CSN3: variants seen among roughly 807,000 people sequenced by gnomAD.
CSN3 encodes the protein casein kappa, also known as kappa-casein.
CSN3 carries 7 observed loss-of-function variants against 9.9 expected under a neutral mutation model. That is an observed-to-expected ratio of 0.71 (90% CI 0.40 to 1.33). The LOEUF is 1.33. CSN3 is among the 40% of genes most tolerant of loss of function. The pLI is 0.01. For synonymous variants in CSN3, 88 were observed against 82.3 expected, an observed-to-expected ratio of 1.07 and a Z score of -0.37; for missense variants, 253 against 227.9, an observed-to-expected ratio of 1.11 and a Z score of -0.71.
intron 1 of CSN3, 36 bp from the exon 2 acceptor site, chr4:70,244,776 T>G: frequency 7.8e-7 from 1 of 1,287,398 alleles, no homozygotes; most frequent in Non-Finnish European, 1.0e-6. Context: ...AGTAACAAAT[T>G]CTTTTAAATT....
chr4:70,250,491 G>GC (rs1730461968), intron 4 of CSN3, among the ~76,000 whole-genome samples: 1 of 152,054 alleles, frequency 6.6e-6, no homozygotes, highest in Admixed American at 6.6e-5. Context: ...ACTCAAGAGA[G>GC]AATGCACATG....
upstream of CSN3, among the ~76,000 whole-genome samples, chr4:70,239,215 C>T (rs1353453112): frequency 6.8e-6 from 1 of 147,574 alleles, no homozygotes; most frequent in Non-Finnish European, 1.5e-5. Context: ...TTAAGTGACT[C>T]GAGGGGGAAA....
intron 2 of CSN3, among the ~76,000 whole-genome samples, chr4:70,247,032 G>T (rs780420397): frequency 3.3e-5 from 5 of 152,144 alleles, no homozygotes; most frequent in Admixed American, 6.6e-5. Flanking sequence ...GCAAGTCTTT[G>T]TCTCAAAGCA....
upstream of CSN3, among the ~76,000 whole-genome samples, chr4:70,238,637 A>G (rs572274438): frequency 8.5e-5 from 13 of 152,058 alleles, no homozygotes; most frequent in African/African-American, 3.1e-4. Flanking sequence ...TAAGAGTGAA[A>G]GTAAAGAGAC....
At chr4:70,240,796 G>A (rs62308370), upstream of CSN3, among the ~76,000 whole-genome samples, 17,219 of 151,948 alleles carry the variant, frequency 0.11, 1,278 homozygotes, top group East Asian at 0.27. Context: ...ACCTGAAACA[G>A]TATCTGAAAT....
At chr4:70,246,143 T>C (rs1730372053) in intron 2 of CSN3, among the ~76,000 whole-genome samples, 1 of 152,184 alleles carries the variant, frequency 6.6e-6, no homozygotes, top group Non-Finnish European at 1.5e-5. Context: ...AAAACATCAA[T>C]GTGATACCAT....
upstream of CSN3, among the ~76,000 whole-genome samples, chr4:70,241,359 C>G (rs552858870): frequency 5.1e-4 from 78 of 152,050 alleles, no homozygotes; most frequent in African/African-American, 1.9e-3. Context: ...TCTGTGTAAT[C>G]CAAATAAGTA....
chr4:70,248,805 A>T (rs1287140158), intron 3 of CSN3, among the ~76,000 whole-genome samples, 193 bp from the exon 4 acceptor site: 1 of 151,868 alleles, frequency 6.6e-6, no homozygotes, highest in Non-Finnish European at 1.5e-5. Flanking sequence ...TAATATTTAT[A>T]ATATTGAAAA....
rs1730446437 is a variant in CSN3, at chr4:70,249,554, C to T, written c.*34+61C>T. On this transcript the variant is annotated intron_variant, in intron 4 of 4. Coordinates refer to ENST00000304954, the Ensembl canonical transcript of CSN3. Reference sequence around the variant, plus strand: ...AAGAAGCATGGATTTATGAATACAACCATAAATTCTAAAATAGTACAAATA... The same window carrying T: ...AAGAAGCATGGATTTATGAATACAATCATAAATTCTAAAATAGTACAAATA... 5 of 968,802 alleles carry T rather than the reference C, an allele frequency of 5.2e-6. No individual in the cohort carries two copies. The East Asian group carries it at 1.0e-4, about 20-fold the overall frequency. The allele number at this position is 968,802 out of a possible 1,614,324, so 60.0% of individuals were successfully genotyped here. A position where few individuals can be genotyped will look rare whatever the true frequency, so the allele number is the denominator to read the frequency against.
chr4:70,250,383 C>T (rs1418895274), intron 4 of CSN3, among the ~76,000 whole-genome samples: 1 of 152,072 alleles, frequency 6.6e-6, no homozygotes, highest in Non-Finnish European at 1.5e-5. Context: ...ACCATTAGCC[C>T]AGAAAAGGTT....
chr4:70,240,299 G>C (rs1360132570), upstream of CSN3, among the ~76,000 whole-genome samples: 2 of 151,904 alleles, frequency 1.3e-5, no homozygotes, highest in Non-Finnish European at 2.9e-5. Flanking sequence ...CTCTTACCCA[G>C]TCCCAGTGTG....
At chr4:70,250,090 A>G (rs11725951) in intron 4 of CSN3, among the ~76,000 whole-genome samples, 34,318 of 152,122 alleles carry the variant, frequency 0.23, 4,130 homozygotes, top group Non-Finnish European at 0.26. Context: ...AAACACATAA[A>G]TATTAAAAGG....
upstream of CSN3, among the ~76,000 whole-genome samples, chr4:70,240,346 C>T (rs1730248836): frequency 6.6e-6 from 1 of 151,922 alleles, no homozygotes; most frequent in Admixed American, 6.6e-5. Flanking sequence ...TTATCAGGAC[C>T]TAAACAAAGG....
At chr4:70,251,079 C>T (rs1730473366) in intron 4 of CSN3, among the ~76,000 whole-genome samples, 183 bp from the exon 5 acceptor site, 1 of 152,010 alleles carries the variant, frequency 6.6e-6, no homozygotes, top group Non-Finnish European at 1.5e-5. Flanking sequence ...GTAAATATTA[C>T]ATAATGTCTA....
chr4:70,243,558 T>TC (rs1432523216), intron 1 of CSN3, among the ~76,000 whole-genome samples: 2 of 152,030 alleles, frequency 1.3e-5, no homozygotes. Context: ...GGGCTTTCCA[T>TC]CCCCTATCTG....
chr4:70,244,850 C>T, exon 2 of CSN3: 1 of 1,568,828 alleles, frequency 6.4e-7, no homozygotes, highest in Non-Finnish European at 8.6e-7. Flanking sequence ...TGTCAATGCC[C>T]TGGCATTAAC....
At chr4:70,243,057 T>G in intron 1 of CSN3, 1 of 317,156 alleles carries the variant, frequency 3.2e-6, no homozygotes. Flanking sequence ...AGTCATAATT[T>G]TATTTGTTAT....
rs781703837 is a variant in CSN3, at chr4:70,249,058, T to G, written c.148T>G (p.Tyr50Asp). 4 of 1,613,716 alleles carry G rather than the reference T, an allele frequency of 2.5e-6. No homozygotes were observed. The East Asian group carries it at 6.7e-5, about 27-fold the overall frequency. Residue 50 changes from tyrosine to aspartate, a missense_variant, in exon 4 of 5, where the codon TAT (tyrosine) becomes GAT (aspartate). Coordinates refer to ENST00000304954, the Ensembl canonical transcript of CSN3. ...AACAGCTCCATATGTCCCAATGTAT[T>G]ATGTGCCAAATAGCTATCCTTATTA...
chr4:70,248,128 TG>T (rs1339683174), intron 3 of CSN3, among the ~76,000 whole-genome samples: 3 of 152,146 alleles, frequency 2.0e-5, no homozygotes, highest in Non-Finnish European at 2.9e-5. Context: ...CATTTCATAT[TG>T]GAAAAAAATG....
Sources: gnomAD v4.1 joint callset for allele counts (sites outside exome capture counted in the v4.1 genomes callset) on GRCh38, gnomAD v4.1.1 for gene constraint, MANE v1.5 for transcripts, NCBI Gene and HGNC (gene_info 2026-07-23, HGNC 2026-07-21) for gene names.